Variants in FSHR observed in about 807,000 individuals in gnomAD.
FSHR encodes the protein follicle-stimulating hormone receptor.
A neutral mutation model predicts 52.1 loss-of-function variants in FSHR; 46 were observed. That is an observed-to-expected ratio of 0.88 (90% CI 0.70 to 1.13). The LOEUF (loss-of-function observed/expected upper bound fraction) is 1.13, where lower values mean the gene tolerates loss of function less well. FSHR is among the 50% of genes most tolerant of loss of function. FSHR has a pLI of 0.00. For missense variants in FSHR, 964 were observed against 834.6 expected, an observed-to-expected ratio of 1.16 and a Z score of -1.91; for synonymous variants, 399 against 309.6, an observed-to-expected ratio of 1.29 and a Z score of -3.03.
At chr2:49,067,382 G>T (rs765136355) in intron 2 of FSHR, among the ~76,000 whole-genome samples, 1 of 152,088 alleles carries the variant, frequency 6.6e-6, no homozygotes, top group African/African-American at 2.4e-5. Flanking sequence ...TAAAGTTAAT[G>T]ACTTCAAGAA....
intron 1 of FSHR, among the ~76,000 whole-genome samples, chr2:49,098,151 A>G (rs1670894129): frequency 6.6e-6 from 1 of 152,200 alleles, no homozygotes; most frequent in Non-Finnish European, 1.5e-5. Context: ...ATTAAAAATG[A>G]TTCCTGATTG....
chr2:49,153,110 A>C (rs1022310195), intron 1 of FSHR, among the ~76,000 whole-genome samples: 9 of 152,236 alleles, frequency 5.9e-5, no homozygotes, highest in African/African-American at 2.2e-4. Flanking sequence ...AAACAGAATC[A>C]ATCAGGTCTG....
At chr2:48,978,069 A>C (rs1393112249) in intron 8 of FSHR, among the ~76,000 whole-genome samples, 1 of 152,212 alleles carries the variant, frequency 6.6e-6, no homozygotes, top group Admixed American at 6.5e-5. Flanking sequence ...TGCACAGAAG[A>C]GACTTAGTAA....
At chr2:49,108,486 A>C (rs1462626207) in intron 1 of FSHR, among the ~76,000 whole-genome samples, 1 of 151,224 alleles carries the variant, frequency 6.6e-6, no homozygotes. Flanking sequence ...ATTTTTCCCT[A>C]CTCTGGCCAA....
chr2:49,049,075 A>T (rs889424238), intron 2 of FSHR, among the ~76,000 whole-genome samples: 4 of 152,136 alleles, frequency 2.6e-5, no homozygotes, highest in African/African-American at 9.7e-5. Flanking sequence ...TTAAAAAAAA[A>T]AGCTAGAAAA....
At chr2:48,995,984 G>A (rs1293811010) in intron 4 of FSHR, among the ~76,000 whole-genome samples, 2 of 152,044 alleles carry the variant, frequency 1.3e-5, no homozygotes, top group African/African-American at 2.4e-5. Flanking sequence ...GTAGATCATT[G>A]AGATGCTTTA....
chr2:49,042,349 G>A (rs577848241), intron 2 of FSHR, among the ~76,000 whole-genome samples: 2 of 152,130 alleles, frequency 1.3e-5, no homozygotes, highest in Admixed American at 6.5e-5. Flanking sequence ...AACAATGGGG[G>A]AAGGAGAAGA....
chr2:48,982,343 G>A (rs752466011), intron 8 of FSHR, among the ~76,000 whole-genome samples: 2 of 152,170 alleles, frequency 1.3e-5, no homozygotes, highest in Non-Finnish European at 2.9e-5. Context: ...AGGGCTGTGA[G>A]GCACGGAATG....
rs1007364301 is a variant in FSHR at position 48,963,472 on chromosome 2, A to G, written c.1349T>C (p.Val450Ala). 6.2e-7 allele frequency: 1 copy of G among 1,614,156 alleles called. No homozygotes were observed. The highest frequency in any genetic ancestry group is 8.5e-7 in the Non-Finnish European group (1 of 1,180,002). ...GTAGACTGACAGCTCACTGGCAAAG[A>G]CAGTGAAAAAGCCAGCAGCATCACA... ...AGCDAAGFFT[V>A]FASELSVYTL... Residue 450 changes from valine (V) to alanine (A), a missense_variant, in exon 10 of 10, where the codon GTC (valine) becomes GCC (alanine). Coordinates refer to ENST00000406846, the MANE Select transcript of FSHR (RefSeq NM_000145.4).
chr2:48,983,105 C>T lies in FSHR; in HGVS notation c.586G>A (p.Asp196Asn). 6.2e-7 allele frequency: 1 copy of T among 1,614,082 alleles called. No individual in the cohort carries two copies. Among genetic ancestry groups the T allele is most frequent in the East Asian group, 2.2e-5 (1 of 44,872 alleles). Residue 196 changes from aspartate to asparagine, a missense_variant, in exon 7 of 10, where the codon GAT becomes AAT. Physicochemically the swap from Asp to Asn is conservative, Grantham distance 23. Coordinates refer to ENST00000406846, the MANE Select transcript of FSHR (RefSeq NM_000145.4). ...HNCAFNGTQL[D>N]ELNLSDNNNL... ...ATAGTCAGGGCTACTTACAGCTCAT[C>T]TAGTTGGGTTCCATTGAATGCACAG... is the stretch of plus-strand genomic sequence containing the variant.
chr2:49,104,015 C>T (rs938437773), intron 1 of FSHR, among the ~76,000 whole-genome samples: 4 of 151,504 alleles, frequency 2.6e-5, no homozygotes, highest in Admixed American at 6.6e-5. Context: ...AAAGAATTCA[C>T]TATTATCACT....
chr2:49,122,263 C>A (rs1033929602), intron 1 of FSHR, among the ~76,000 whole-genome samples: 3 of 152,192 alleles, frequency 2.0e-5, no homozygotes, highest in African/African-American at 7.2e-5. Context: ...ATATTCTTGG[C>A]TTACACGGGA....
chr2:49,142,120 A>G (rs1311684802), intron 1 of FSHR, among the ~76,000 whole-genome samples: 1 of 152,136 alleles, frequency 6.6e-6, no homozygotes. Context: ...TTCAACTCAT[A>G]TATGTATTGA....
chr2:49,034,692 A>T (rs528754997), intron 2 of FSHR, among the ~76,000 whole-genome samples: 49 of 152,292 alleles, frequency 3.2e-4, no homozygotes, highest in African/African-American at 1.2e-3. Context: ...GTGTTATTAC[A>T]GTTTTCTTTG....
intron 1 of FSHR, among the ~76,000 whole-genome samples, chr2:49,076,399 G>C (rs74399843): frequency 6.6e-6 from 1 of 152,132 alleles, no homozygotes; most frequent in East Asian, 1.9e-4. Context: ...CAGATGTCAT[G>C]AGACTTAGTC....
intron 1 of FSHR, among the ~76,000 whole-genome samples, chr2:49,127,375 A>G (rs1397213687): frequency 1.3e-5 from 2 of 152,150 alleles, no homozygotes; most frequent in Non-Finnish European, 2.9e-5. Context: ...CAGTAGCAAA[A>G]TAAGTGAAAT....
intron 1 of FSHR, among the ~76,000 whole-genome samples, chr2:49,115,426 G>T (rs1453191412): frequency 1.3e-5 from 2 of 152,042 alleles, no homozygotes; most frequent in African/African-American, 4.8e-5. Flanking sequence ...CGGCCAGTGT[G>T]GTCATGATTT....
chr2:49,035,535 C>G (rs575300547), intron 2 of FSHR, among the ~76,000 whole-genome samples: 2 of 152,326 alleles, frequency 1.3e-5, no homozygotes, highest in East Asian at 3.9e-4. Context: ...CCACTCCACT[C>G]CAGCTTCCCT....
chr2:49,127,238 G>A (rs1572779663), intron 1 of FSHR, among the ~76,000 whole-genome samples: 1 of 151,902 alleles, frequency 6.6e-6, no homozygotes, highest in Middle Eastern at 3.4e-3. Context: ...TGAGGCAGGA[G>A]AATCGCTTGA....
Sources: allele counts gnomAD v4.1 joint callset (sites outside exome capture counted in the v4.1 genomes callset), GRCh38; gene constraint gnomAD v4.1.1; transcripts MANE v1.5; gene names NCBI Gene and HGNC (gene_info 2026-07-23, HGNC 2026-07-21).